The following TEAD4 variants were observed in gnomAD, a reference collection of about 807,000 sequenced individuals.
TEAD4 encodes the protein TEA domain transcription factor 4.
A neutral mutation model predicts 52.4 loss-of-function variants in TEAD4; 36 were observed. The observed-to-expected ratio is 0.69, with a 90% CI of 0.53 to 0.91. The LOEUF (loss-of-function observed/expected upper bound fraction) is 0.91, where lower values mean the gene tolerates loss of function less well. Ranked by LOEUF, TEAD4 falls within the 40% of genes least tolerant of loss-of-function variation. The pLI, the probability that TEAD4 is intolerant of heterozygous loss-of-function variation, is 0.00. For synonymous variants in TEAD4, 220 were observed against 231.0 expected (o/e 0.95, Z 0.43); for missense variants, 508 against 583.9 (o/e 0.87, Z 1.34).
chr12:2,974,298 C>T (rs1475351047), intron 2 of TEAD4, among the ~76,000 whole-genome samples: 4 of 152,188 alleles, frequency 2.6e-5, no homozygotes, highest in African/African-American at 9.6e-5. Context: ...CCACCGTGCC[C>T]GGCCAGCTTT....
At chr12:3,019,413 CT>C (rs1209744582) in intron 8 of TEAD4, among the ~76,000 whole-genome samples, 1 of 152,246 alleles carries the variant, frequency 6.6e-6, no homozygotes, top group Non-Finnish European at 1.5e-5. Context: ...CAAAGCTGTG[CT>C]CAGGGCTTGT....
chr12:2,995,640 G>A (rs2098246522), intron 3 of TEAD4, among the ~76,000 whole-genome samples: 1 of 152,180 alleles, frequency 6.6e-6, no homozygotes, highest in African/African-American at 2.4e-5. Context: ...GTTCAGCGAT[G>A]CATGGGAAGG....
At chr12:3,032,800 A>T (rs1254490554) in intron 10 of TEAD4, among the ~76,000 whole-genome samples, 1 of 152,168 alleles carries the variant, frequency 6.6e-6, no homozygotes, top group African/African-American at 2.4e-5. Flanking sequence ...CCTCCTCCGC[A>T]TGTGTGGGGC....
chr12:2,986,745 G>A (rs1356933119), intron 2 of TEAD4, among the ~76,000 whole-genome samples: 1 of 152,118 alleles, frequency 6.6e-6, no homozygotes, highest in Non-Finnish European at 1.5e-5. Flanking sequence ...TTATTGTCAA[G>A]GATTGTGTAC....
intron 2 of TEAD4, among the ~76,000 whole-genome samples, chr12:2,981,299 G>A (rs1015411976): frequency 6.6e-6 from 1 of 152,222 alleles, no homozygotes; most frequent in African/African-American, 2.4e-5. Context: ...CTGCAGGATA[G>A]GTTCTTCTTT....
rs201187763 is a variant in TEAD4 at position 2,986,101 on chromosome 12, TA to T, written c.-29-8628del. ...TACTCCATCTCAAAAAAATAAAAACTAAAAAAAAATAATAAAAACAGAGACA... is the reference window on the plus strand; with the variant it reads ...TACTCCATCTCAAAAAAATAAAAACTAAAAAAAATAATAAAAACAGAGACA... On this transcript the variant is annotated intron_variant, in intron 2 of 12. Coordinates refer to ENST00000359864, the MANE Select transcript of TEAD4 (RefSeq NM_003213.4). 4.6e-5 allele frequency among the ~76,000 whole-genome samples: 7 copies of T among 150,768 alleles called. No homozygotes were observed. In the East Asian group the frequency reaches 7.9e-4, roughly 17 times the overall value.
chr12:3,008,075 A>AT (rs538525088), intron 3 of TEAD4, among the ~76,000 whole-genome samples: 26 of 152,290 alleles, frequency 1.7e-4, no homozygotes, highest in Admixed American at 3.9e-4. Context: ...AAAAATCCCT[A>AT]TTCGCATGGA....
At chr12:2,985,662 T>C (rs944626539) in intron 2 of TEAD4, among the ~76,000 whole-genome samples, 24 of 151,486 alleles carry the variant, frequency 1.6e-4, no homozygotes, top group African/African-American at 3.9e-4. Flanking sequence ...CGCACCATCA[T>C]GCCTGGCTAA....
intron 2 of TEAD4, among the ~76,000 whole-genome samples, chr12:2,973,703 T>G (rs912687177): frequency 1.3e-5 from 2 of 152,194 alleles, no homozygotes; most frequent in African/African-American, 4.8e-5. Flanking sequence ...CCTTCCTGCC[T>G]GGCGGGCTGC....
At chr12:3,037,079 A>G (rs1591602808) in intron 10 of TEAD4, among the ~76,000 whole-genome samples, 1 of 152,186 alleles carries the variant, frequency 6.6e-6, no homozygotes, top group Non-Finnish European at 1.5e-5. Context: ...CACATCCAGC[A>G]GGAGGCCCCC....
At chr12:3,040,326 C>G in intron 12 of TEAD4, 39 bp from the exon 13 acceptor site, 1 of 1,613,780 alleles carries the variant, frequency 6.2e-7, no homozygotes, top group African/African-American at 1.3e-5. Flanking sequence ...CATGCCCCTT[C>G]TGGGGCCTTA....
At chr12:3,012,556 C>T (rs1289668555) in intron 5 of TEAD4, among the ~76,000 whole-genome samples, 1 of 152,114 alleles carries the variant, frequency 6.6e-6, no homozygotes, top group Non-Finnish European at 1.5e-5. Flanking sequence ...CCCTCAGTGC[C>T]CTCGACCAGA....
intron 2 of TEAD4, among the ~76,000 whole-genome samples, chr12:2,980,620 C>T (rs998618329): frequency 3.3e-5 from 5 of 152,090 alleles, no homozygotes; most frequent in African/African-American, 1.2e-4. Flanking sequence ...GTAATTCCAG[C>T]TACTCAGGAG....
chr12:2,964,476 A>T (rs1456190564), intron 2 of TEAD4, among the ~76,000 whole-genome samples: 3 of 137,694 alleles, frequency 2.2e-5, no homozygotes, highest in African/African-American at 8.2e-5. Context: ...TTTTTTTTTG[A>T]GACGGAGTTT....
intron 2 of TEAD4, among the ~76,000 whole-genome samples, chr12:2,992,920 G>T (rs950902494): frequency 6.6e-6 from 1 of 152,154 alleles, no homozygotes; most frequent in African/African-American, 2.4e-5. Flanking sequence ...CACTGGATTT[G>T]TCTCATGTTA....
intron 2 of TEAD4, among the ~76,000 whole-genome samples, chr12:2,970,981 C>T (rs909168949): frequency 2.0e-5 from 3 of 152,234 alleles, no homozygotes; most frequent in African/African-American, 7.2e-5. Flanking sequence ...CAGGGCACTG[C>T]CAGCCCAGCA....
intron 10 of TEAD4, among the ~76,000 whole-genome samples, chr12:3,036,813 C>T (rs150954774): frequency 4.5e-4 from 68 of 152,288 alleles, no homozygotes; most frequent in Middle Eastern, 3.4e-3. Flanking sequence ...AATACAATTC[C>T]TGCCTCAGAG....
intron 5 of TEAD4, among the ~76,000 whole-genome samples, chr12:3,016,171 G>A (rs946145130): frequency 6.6e-6 from 1 of 152,058 alleles, no homozygotes; most frequent in Non-Finnish European, 1.5e-5. Context: ...TGGCCTGCAG[G>A]CACACACCAC....
chr12:2,991,652 A>C (rs2098243058), intron 2 of TEAD4, among the ~76,000 whole-genome samples: 1 of 151,738 alleles, frequency 6.6e-6, no homozygotes, highest in African/African-American at 2.4e-5. Flanking sequence ...AAAGAGCAAG[A>C]CTCCGTCCCC....
Sources: allele counts gnomAD v4.1 joint callset (sites outside exome capture counted in the v4.1 genomes callset), GRCh38; gene constraint gnomAD v4.1.1; transcripts MANE v1.5; gene names NCBI Gene and HGNC (gene_info 2026-07-23, HGNC 2026-07-21).